SPEF2: variants seen among roughly 807,000 people sequenced by gnomAD.
SPEF2 encodes the protein sperm flagella and cilia-associated protein 2.
SPEF2 carries 187 observed loss-of-function variants against 224.6 expected under a neutral mutation model. The observed-to-expected ratio is 0.83, with a 90% CI of 0.74 to 0.94. SPEF2 has a LOEUF of 0.94. Among genes scored for constraint, SPEF2 ranks in the 40% least tolerant of loss-of-function variants. The probability of loss-of-function intolerance (pLI) is 0.00; values close to 1 mark genes in which losing one functional copy is unlikely to be tolerated. For missense variants in SPEF2, 2,170 were observed against 2,135.6 expected (o/e 1.02, Z -0.32); for synonymous variants, 715 against 707.3 (o/e 1.01, Z -0.17).
chr5:35,703,842 A>G (rs919603670), intron 16 of SPEF2, among the ~76,000 whole-genome samples: 5 of 152,188 alleles, frequency 3.3e-5, no homozygotes, highest in South Asian at 4.1e-4. Context: ...ACTGATTACT[A>G]TATCCTGTGA....
chr5:35,697,906 C>T (rs1256859815), intron 15 of SPEF2, 113 bp downstream of exon 15: 7 of 703,782 alleles, frequency 9.9e-6, no homozygotes, highest in Non-Finnish European at 1.1e-5. Context: ...TTTCACTCAT[C>T]TGTATATGAA....
rs771172477 is a variant in SPEF2 at position 35,795,722 on chromosome 5, G to A, written c.4757G>A (p.Gly1586Glu). The A allele has an allele frequency of 6.2e-7, 1 of 1,613,848 alleles. No individual in the cohort carries two copies. The highest frequency in any genetic ancestry group is 1.1e-5 in the South Asian group (1 of 91,030). Residue 1586 changes from glycine (G) to glutamate (E), a missense_variant, in exon 33 of 37, where the codon GGA becomes GAA. Transcript: ENST00000356031. ...QYMQAGLWFTGDEDIKIPENP... is the reference protein window; with the variant it reads ...QYMQAGLWFTEDEDIKIPENP... Reference sequence around the variant, plus strand: ...ATGTAGGCTGGTCTGTGGTTTACAGGAGATGAAGATATAAAAATTCCAGAA... The same window carrying A: ...ATGTAGGCTGGTCTGTGGTTTACAGAAGATGAAGATATAAAAATTCCAGAA...
chr5:35,791,556 G>A (rs1755960520), intron 30 of SPEF2: 1 of 152,090 alleles, frequency 6.6e-6, no homozygotes, highest in African/African-American at 2.4e-5. Flanking sequence ...CACATTAGGA[G>A]TCTCTCCTTG....
intron 3 of SPEF2, among the ~76,000 whole-genome samples, chr5:35,641,932 G>A (rs1010238718): frequency 1.3e-5 from 2 of 151,734 alleles, no homozygotes; most frequent in African/African-American, 4.8e-5. Context: ...AGTACTTTTT[G>A]TTGTTGTTGT....
intron 10 of SPEF2, chr5:35,670,806 T>C: frequency 1.0e-6 from 1 of 977,446 alleles, no homozygotes; most frequent in Non-Finnish European, 1.2e-6. Context: ...CTGTGTGACC[T>C]TAGGTGACCA....
intron 2 of SPEF2, among the ~76,000 whole-genome samples, chr5:35,636,531 C>T (rs1422719251): frequency 6.6e-6 from 1 of 152,152 alleles, no homozygotes; most frequent in Non-Finnish European, 1.5e-5. Context: ...GTTTTACTGT[C>T]TCAGGTAACT....
chr5:35,759,859 T>TG (rs1470500835), intron 25 of SPEF2, 140 bp downstream of exon 25: 2 of 808,390 alleles, frequency 2.5e-6, no homozygotes, highest in Admixed American at 6.5e-5. Flanking sequence ...CAAACATGTT[T>TG]TTTTTTTAAC....
At position 35,763,538 on chromosome 5, in the gene SPEF2, C is replaced by T. The variant is rs754927785; in HGVS notation, c.3637C>T (p.Arg1213Ter). ...TTCTCAAAGAATTCCTCTAGTTCCT[C>T]GAATATCCATTTCTCTGGAAACAGT... ...ESQLRIPLVP[R>*]ISISLETVTP... The change falls in exon 26 of 37, where the codon CGA becomes TGA. Residue 1213 changes from arginine to a stop codon, truncating the protein, a stop_gained. Coordinates refer to ENST00000356031, the MANE Select transcript of SPEF2 (RefSeq NM_024867.4). LOFTEE classifies it high-confidence loss of function. 3.2e-6 allele frequency: 5 copies of T among 1,583,744 alleles called. No homozygotes were observed. The highest frequency in any genetic ancestry group is 1.9e-5 in the Admixed American group (1 of 52,314).
rs749233374 is a variant in SPEF2 at position 35,628,572 on chromosome 5, A to G, written c.161+10A>G. On this transcript the variant is annotated intron_variant, in intron 2 of 36. Transcript: ENST00000356031. ...AATTTTTGGACAGCAGGTTAGTGAG[A>G]TTATTCCTTTTTGTTGTTGTTGTTG... 6.4e-7 allele frequency: 1 copy of G among 1,568,070 alleles called. No individual in the cohort carries two copies. The highest frequency in any genetic ancestry group is 2.2e-5 in the East Asian group (1 of 44,524).
chr5:35,777,691 A>G (rs1015863857), intron 29 of SPEF2, among the ~76,000 whole-genome samples: 1 of 151,620 alleles, frequency 6.6e-6, no homozygotes, highest in African/African-American at 2.4e-5. Flanking sequence ...AAATAAATAA[A>G]TAAATAAATA....
chr5:35,813,192 G>A (rs552820321), intron 36 of SPEF2, among the ~76,000 whole-genome samples: 5 of 152,264 alleles, frequency 3.3e-5, no homozygotes, highest in African/African-American at 1.2e-4. Flanking sequence ...AAGAAGACAT[G>A]TTATTAGGAA....
chr5:35,803,275 C>T (rs946410611), intron 34 of SPEF2, among the ~76,000 whole-genome samples: 2 of 152,154 alleles, frequency 1.3e-5, no homozygotes, highest in African/African-American at 4.8e-5. Context: ...AGAGCTGTTG[C>T]CATAGCAACA....
intron 10 of SPEF2, among the ~76,000 whole-genome samples, chr5:35,687,440 C>T (rs1753790633): frequency 6.6e-6 from 1 of 150,946 alleles, no homozygotes; most frequent in Non-Finnish European, 1.5e-5. Flanking sequence ...TTTTTTTTGC[C>T]CATTATATTT....
At chr5:35,619,799 C>T (rs990145665) in intron 1 of SPEF2, among the ~76,000 whole-genome samples, 3 of 152,092 alleles carry the variant, frequency 2.0e-5, no homozygotes, top group African/African-American at 7.2e-5. Flanking sequence ...AATAAAGATA[C>T]ATAAAATAAA....
chr5:35,693,204 A>G (rs1472953484), intron 12 of SPEF2, among the ~76,000 whole-genome samples: 1 of 152,144 alleles, frequency 6.6e-6, no homozygotes, highest in Non-Finnish European at 1.5e-5. Flanking sequence ...TGCTAACATC[A>G]AAGTCCCCAG....
At chr5:35,692,758 A>C (rs776135000) in intron 12 of SPEF2, 34 bp downstream of exon 12, 2 of 1,587,862 alleles carry the variant, frequency 1.3e-6, no homozygotes, top group Non-Finnish European at 8.6e-7. Flanking sequence ...TTCTGCGCCT[A>C]GTACATTAGA....
At chr5:35,767,958 T>A (rs1055082592) in intron 26 of SPEF2, among the ~76,000 whole-genome samples, 1 of 152,088 alleles carries the variant, frequency 6.6e-6, no homozygotes, top group African/African-American at 2.4e-5. Flanking sequence ...CCTAGCCATC[T>A]GTAATTGTGT....
intron 5 of SPEF2, among the ~76,000 whole-genome samples, chr5:35,649,072 C>G (rs1427902411): frequency 6.6e-6 from 1 of 151,606 alleles, no homozygotes; most frequent in African/African-American, 2.4e-5. Context: ...AAATGTATGT[C>G]CTGACTCTTT....
chr5:35,790,800 C>T (rs1035063822), intron 30 of SPEF2: 13 of 153,244 alleles, frequency 8.5e-5, no homozygotes, highest in Non-Finnish European at 1.6e-4. Flanking sequence ...TGAAAGAGAG[C>T]TTCTCTTTTC....
Sources: allele counts gnomAD v4.1 joint callset (sites outside exome capture counted in the v4.1 genomes callset), GRCh38; gene constraint gnomAD v4.1.1; transcripts MANE v1.5; gene names NCBI Gene and HGNC (gene_info 2026-07-23, HGNC 2026-07-21).